FBXW10B: variants seen among roughly 807,000 people sequenced by gnomAD.
The protein encoded by FBXW10B is F-box and WD repeat domain containing protein 10B.
chr17:15,604,740 T>C, the FBXW10B span, among the ~76,000 whole-genome samples: 5 of 152,092 alleles, frequency 3.3e-5, no homozygotes, highest in African/African-American at 1.2e-4. Flanking sequence ...GGTTTCACCA[T>C]GTTAGCCAGG....
the FBXW10B span, chr17:15,594,574 G>A: frequency 1.2e-6 from 1 of 820,356 alleles, no homozygotes; most frequent in Non-Finnish European, 1.9e-6. Context: ...GTCAGACAGA[G>A]AAGATGGTGG....
the FBXW10B span, among the ~76,000 whole-genome samples, chr17:15,576,257 C>T: frequency 2.0e-5 from 3 of 152,156 alleles, no homozygotes; most frequent in South Asian, 6.2e-4. Flanking sequence ...CCTACTGTTT[C>T]TTTTAAATAT....
At chr17:15,618,487 TCC>T in the FBXW10B span, among the ~76,000 whole-genome samples, 1 of 150,342 alleles carries the variant, frequency 6.7e-6, no homozygotes, top group South Asian at 2.1e-4. Flanking sequence ...TTAAGCTATC[TCC>T]AGCCTTGGAG....
chr17:15,569,654 C>T, the FBXW10B span, among the ~76,000 whole-genome samples: 2 of 151,446 alleles, frequency 1.3e-5, no homozygotes, highest in Non-Finnish European at 2.9e-5. Context: ...TGGCCGGTTT[C>T]GAACTCCTGG....
chr17:15,611,873 C>T, the FBXW10B span, among the ~76,000 whole-genome samples: 1 of 152,200 alleles, frequency 6.6e-6, no homozygotes, highest in Admixed American at 6.5e-5. Context: ...TGCCCAAGAA[C>T]TAGTGGAAAG....
the FBXW10B span, among the ~76,000 whole-genome samples, chr17:15,616,476 T>C: frequency 1.3e-5 from 2 of 151,972 alleles, no homozygotes; most frequent in South Asian, 2.1e-4. Context: ...AACCAGAACA[T>C]TTAATTTTTT....
chr17:15,617,659 T>TAA, the FBXW10B span, among the ~76,000 whole-genome samples: 1 of 152,216 alleles, frequency 6.6e-6, no homozygotes, highest in African/African-American at 2.4e-5. Context: ...GCTGGCTGTT[T>TAA]AAAAGAAACT....
At chr17:15,601,981 G>A in the FBXW10B span, among the ~76,000 whole-genome samples, 88 of 151,972 alleles carry the variant, frequency 5.8e-4, no homozygotes, top group African/African-American at 9.7e-4. Flanking sequence ...GCATGGTGGC[G>A]GGTGCCTGTA....
the FBXW10B span, among the ~76,000 whole-genome samples, chr17:15,591,754 T>C: frequency 6.6e-6 from 1 of 152,326 alleles, no homozygotes; most frequent in East Asian, 1.9e-4. Flanking sequence ...TTACTATTGC[T>C]GCTGGCAATG....
chr17:15,606,132 T>A, the FBXW10B span, among the ~76,000 whole-genome samples: 1 of 141,410 alleles, frequency 7.1e-6, no homozygotes, highest in African/African-American at 2.7e-5. Context: ...GGCACAATAA[T>A]AACTCCCTGT....
the FBXW10B span, among the ~76,000 whole-genome samples, chr17:15,570,208 T>C: frequency 6.6e-6 from 1 of 152,094 alleles, no homozygotes; most frequent in Non-Finnish European, 1.5e-5. Flanking sequence ...AAAGAAGGAA[T>C]ACATGGCATC....
chr17:15,579,020 T>C, the FBXW10B span, among the ~76,000 whole-genome samples: 1 of 152,174 alleles, frequency 6.6e-6, no homozygotes, highest in African/African-American at 2.4e-5. Flanking sequence ...ATTAATATAA[T>C]ACCACAGTCT....
the FBXW10B span, chr17:15,605,094 G>A: frequency 4.4e-4 from 653 of 1,488,026 alleles, no homozygotes; most frequent in African/African-American, 6.5e-3. Flanking sequence ...ATAAGCTGAA[G>A]GTATTCTAGA....
chr17:15,593,489 C>G, the FBXW10B span: 1 of 1,614,180 alleles, frequency 6.2e-7, no homozygotes, highest in Non-Finnish European at 8.5e-7. Context: ...ACACGTCGAG[C>G]ACCTCTCTGG....
At chr17:15,612,851 A>G in the FBXW10B span, 2 of 1,604,356 alleles carry the variant, frequency 1.2e-6, no homozygotes, top group Admixed American at 3.5e-5. Context: ...AACCAAAAAT[A>G]AAAACAGAAA....
At chr17:15,618,140 C>A in the FBXW10B span, among the ~76,000 whole-genome samples, 1 of 152,106 alleles carries the variant, frequency 6.6e-6, no homozygotes, top group African/African-American at 2.4e-5. Context: ...CCAGCCTGGC[C>A]AGCATGGTGA....
chr17:15,584,063 C>T, the FBXW10B span, among the ~76,000 whole-genome samples: 1 of 152,190 alleles, frequency 6.6e-6, no homozygotes, highest in Non-Finnish European at 1.5e-5. Flanking sequence ...ACAACATGTG[C>T]ATATCATCTG....
the FBXW10B span, among the ~76,000 whole-genome samples, chr17:15,577,209 C>T: frequency 6.6e-6 from 1 of 151,918 alleles, no homozygotes; most frequent in East Asian, 1.9e-4. Flanking sequence ...GCAGGAAGAA[C>T]AAATTTGGCC....
the FBXW10B span, among the ~76,000 whole-genome samples, chr17:15,567,215 T>A: frequency 6.7e-6 from 1 of 148,336 alleles, no homozygotes; most frequent in Non-Finnish European, 1.5e-5. Flanking sequence ...GAGGTTGCAG[T>A]GAGCCGAGAT....
Sources: allele counts gnomAD v4.1 joint callset (sites outside exome capture counted in the v4.1 genomes callset), GRCh38; gene constraint gnomAD v4.1.1; transcripts MANE v1.5; gene names NCBI Gene and HGNC (gene_info 2026-07-23, HGNC 2026-07-21).